KLHL36: variants seen among roughly 807,000 people sequenced by gnomAD.
KLHL36 encodes the protein kelch-like protein 36.
Under a neutral mutation model 53.3 loss-of-function variants are expected in KLHL36, and 35 were observed. The observed-to-expected ratio is 0.66, with a 90% CI of 0.50 to 0.87. The LOEUF (loss-of-function observed/expected upper bound fraction) is 0.87. Among genes scored for constraint, KLHL36 ranks in the 40% least tolerant of loss-of-function variants. The probability of loss-of-function intolerance (pLI) is 0.00; values close to 1 mark genes in which losing one functional copy is unlikely to be tolerated. For synonymous variants in KLHL36, 472 were observed against 398.9 expected (o/e 1.18, Z -2.18); for missense variants, 864 against 897.6 (o/e 0.96, Z 0.48).
rs1398209175 is a variant in KLHL36, at chr16:84,667,034, C to G, written c.*4901C>G. ...CCGAGGTTGCGCCACTGCACTCCAG[C>G]CTGGGTGACCGAGTAAGACTGTCTC... On this transcript the variant is annotated 3_prime_UTR_variant, in exon 5 of 5. Transcript: ENST00000564996. 1 of 147,358 alleles carries G rather than the reference C, an allele frequency of 6.8e-6. No individual in the cohort carries two copies. Among genetic ancestry groups the G allele is most frequent in the Non-Finnish European group, 1.5e-5 (1 of 67,338 alleles). 9.1% of individuals were successfully genotyped at this position (147,358 alleles called of 1,614,324 possible).
In KLHL36 at chr16:84,667,362, A is replaced by G. The variant is rs1293782171; in HGVS notation, c.*5229A>G. 2.0e-5 allele frequency: 3 copies of G among 152,234 alleles called. No individual in the cohort carries two copies. Among genetic ancestry groups the G allele is most frequent in the Non-Finnish European group, 4.4e-5 (3 of 68,034 alleles). 9.4% of individuals were successfully genotyped at this position (152,234 alleles called of 1,614,324 possible). A position where few individuals can be genotyped will look rare whatever the true frequency, so the allele number is the denominator to read the frequency against. Reference sequence around the variant, plus strand: ...GTGATTCATTGGGTATGTTCTGGCTACTGATGTTACTGAAATCTGCAATCG... The same window carrying G: ...GTGATTCATTGGGTATGTTCTGGCTGCTGATGTTACTGAAATCTGCAATCG... On this transcript the variant is annotated 3_prime_UTR_variant, in exon 5 of 5. Coordinates refer to ENST00000564996, the MANE Select transcript of KLHL36 (RefSeq NM_024731.4).
chr16:84,661,510 C>T lies in KLHL36; in HGVS notation c.1296-68C>T, dbSNP rs1016671577. On this transcript the variant is annotated intron_variant, in intron 4 of 4. Transcript: ENST00000564996. The surrounding 1 kb of genome is among the most constrained non-coding windows in gnomAD (Gnocchi z 7.9). Reference sequence around the variant, plus strand: ...CCCTCTAAGACGGCAGGCTGTTCCCCGGCTCGGAGGGGGTAAGCCTGGCAC... The same window carrying T: ...CCCTCTAAGACGGCAGGCTGTTCCCTGGCTCGGAGGGGGTAAGCCTGGCAC... The T allele has an allele frequency of 2.8e-5, 41 of 1,469,840 alleles. No homozygotes were observed. The highest frequency in any genetic ancestry group is 4.2e-5 in the African/African-American group (3 of 70,692). The allele number at this position is 1,469,840 out of a possible 1,614,324, so 91.0% of individuals were successfully genotyped here. A position where few individuals can be genotyped will look rare whatever the true frequency, so the allele number is the denominator to read the frequency against.
Position 84,667,456 on chromosome 16 carries a change from C to G in KLHL36, c.*5323C>G, listed in dbSNP as rs990745719. ...ACATTTCGAAGTTTCTGTGTCTTAA[C>G]TCTTTTTAATTAATTTTCTGCACGT... On this transcript the variant is annotated 3_prime_UTR_variant, in exon 5 of 5. Transcript: ENST00000564996. 1 of 152,188 alleles carries G rather than the reference C, an allele frequency of 6.6e-6. No homozygotes were observed. The highest frequency in any genetic ancestry group is 1.5e-5 in the Non-Finnish European group (1 of 68,026). The allele number at this position is 152,188 out of a possible 1,614,324, so 9.4% of individuals were successfully genotyped here.
In KLHL36 at chr16:84,656,980, C is replaced by A; in HGVS notation, c.173C>A (p.Pro58Gln). The A allele has an allele frequency of 6.2e-7, 1 of 1,614,068 alleles. No homozygotes were observed. Among genetic ancestry groups the A allele is most frequent in the Non-Finnish European group, 8.5e-7 (1 of 1,180,050 alleles). ...VVLVADEQRV[P>Q]AHRNLLAVCS... ...CTGGTGGCCGATGAGCAGCGTGTGC[C>A]AGCCCATCGCAACCTGCTGGCCGTG... Residue 58 changes from proline to glutamine, a missense_variant, in exon 3 of 5, where the codon CCA (proline) becomes CAA (glutamine). By Grantham distance (76) the Pro-to-Gln change is moderately conservative (BLOSUM62 -1). Coordinates refer to ENST00000564996, the MANE Select transcript of KLHL36 (RefSeq NM_024731.4).
Position 84,664,336 on chromosome 16 carries a change from ACT to A in KLHL36, c.*2206_*2207del, listed in dbSNP as rs1907722224. 6.6e-6 allele frequency: 1 copy of A among 151,802 alleles called. No individual in the cohort carries two copies. Among genetic ancestry groups the A allele is most frequent in the South Asian group, 2.1e-4 (1 of 4,782 alleles). The allele number at this position is 151,802 out of a possible 1,614,324, so 9.4% of individuals were successfully genotyped here. On this transcript the variant is annotated 3_prime_UTR_variant, in exon 5 of 5. Coordinates refer to ENST00000564996, the MANE Select transcript of KLHL36 (RefSeq NM_024731.4). ...CAAGTTGGGGAGAGCACATAGAAAGACTCTGTGAGTGATTTGGGGAGTGGGAT... is the reference window on the plus strand; with the variant it reads ...CAAGTTGGGGAGAGCACATAGAAAGACTGTGAGTGATTTGGGGAGTGGGAT...
intron 4 of KLHL36, 33 bp downstream of exon 4, chr16:84,659,950 T>G: frequency 6.3e-7 from 1 of 1,590,604 alleles, no homozygotes; most frequent in Non-Finnish European, 8.6e-7. Flanking sequence ...GTTCTCCAAA[T>G]GGGATGTTTT....
intron 1 of KLHL36, among the ~76,000 whole-genome samples, chr16:84,649,699 C>G (rs1266703067): frequency 2.0e-5 from 3 of 152,188 alleles, no homozygotes; most frequent in Non-Finnish European, 1.5e-5. Context: ...CGGACTGTGC[C>G]CGAATTCATT....
Position 84,661,866 on chromosome 16 carries a change from C to A in KLHL36, c.1584C>A (p.Arg528=). 1 of 1,600,712 alleles carries A rather than the reference C, an allele frequency of 6.2e-7. No homozygotes were observed. Among genetic ancestry groups the A allele is most frequent in the Non-Finnish European group, 8.5e-7 (1 of 1,169,794 alleles). ...GCCCGCAGTGCAACCAGTGGACCCG[C>A]GTGGCGCCGCTGCTGCACGCCAACA... ...AYSPQCNQWT[R]VAPLLHANSE... The change falls in exon 5 of 5, where the codon CGC becomes CGA. Residue 528 remains arginine, a synonymous_variant. Coordinates refer to ENST00000564996, the MANE Select transcript of KLHL36 (RefSeq NM_024731.4). The surrounding 1 kb of genome is among the most constrained non-coding windows in gnomAD (Gnocchi z 7.9).
rs1567559420 is a variant in KLHL36 at position 84,657,699 on chromosome 16, C to T, written c.892C>T (p.Leu298=). ...GCTGCGCACCAACCAGGAGCGCCTGCTGTTTGTGGGCGGCGAGGTCTCCGA... is the reference window on the plus strand; with the variant it reads ...GCTGCGCACCAACCAGGAGCGCCTGTTGTTTGTGGGCGGCGAGGTCTCCGA... The part of the protein sequence containing the change: ...TALRTNQERL[L]FVGGEVSERC... Residue 298 remains leucine (L), a synonymous_variant, in exon 3 of 5, where the codon CTG becomes TTG. Coordinates refer to ENST00000564996, the MANE Select transcript of KLHL36 (RefSeq NM_024731.4). The T allele has an allele frequency of 6.8e-6, 11 of 1,612,736 alleles. No individual in the cohort carries two copies. The highest frequency in any genetic ancestry group is 2.7e-5 in the African/African-American group (2 of 75,058).
rs1907531411 is a variant in KLHL36 at position 84,661,316 on chromosome 16, G to A, written c.1296-262G>A. Among the ~76,000 whole-genome samples the A allele has an allele frequency of 6.6e-6, 1 of 152,194 alleles. No individual in the cohort carries two copies. The highest frequency in any genetic ancestry group is 2.4e-5 in the African/African-American group (1 of 41,450). ...GTCCTGTGATTATTCCCATTTCCCA[G>A]ATGGGGCAAGGGAGACTCAGAGAGA... On this transcript the variant is annotated intron_variant, in intron 4 of 4. Coordinates refer to ENST00000564996, the MANE Select transcript of KLHL36 (RefSeq NM_024731.4). This position sits in a 1 kb window ranked among gnomAD's most constrained non-coding sequence, Gnocchi z 7.9.
chr16:84,657,245 C>A lies in KLHL36; in HGVS notation c.438C>A (p.Asp146Glu), dbSNP rs1436898360. 1 of 1,614,060 alleles carries A rather than the reference C, an allele frequency of 6.2e-7. No individual in the cohort carries two copies. The highest frequency in any genetic ancestry group is 1.3e-5 in the African/African-American group (1 of 74,942). The change falls in exon 3 of 5, where the codon GAC becomes GAA. Residue 146 changes from aspartate to glutamate, a missense_variant. Physicochemically the swap from Asp to Glu is conservative, Grantham distance 45 (BLOSUM62 2). Transcript: ENST00000564996. ...CEYLEQEVSEDNYLYLQELAS... is the reference protein window; with the variant it reads ...CEYLEQEVSEENYLYLQELAS... ...ACCTGGAGCAGGAGGTGAGCGAGGA[C>A]AACTACCTGTACCTGCAGGAGCTGG...
At position 84,657,641 on chromosome 16, in the gene KLHL36, G is replaced by T. The variant is rs766840130; in HGVS notation, c.834G>T (p.Ala278=). 2 of 1,611,998 alleles carry T rather than the reference G, an allele frequency of 1.2e-6. No individual in the cohort carries two copies. The highest frequency in any genetic ancestry group is 1.3e-5 in the African/African-American group (1 of 75,058). ...CCGTGCGCTACCACAACAACCTGGCGGCCCAGCCCGTCATGCAGACCAAGC... is the reference window on the plus strand; with the variant it reads ...CCGTGCGCTACCACAACAACCTGGCTGCCCAGCCCGTCATGCAGACCAAGC... ...EEAVRYHNNL[A]AQPVMQTKRT... is the part of the protein sequence containing the mutation. The change falls in exon 3 of 5, where the codon GCG becomes GCT. Residue 278 remains alanine (A), a synonymous_variant. Transcript: ENST00000564996.
In KLHL36 at chr16:84,662,076, G is replaced by A. The variant is rs1302489545; in HGVS notation, c.1794G>A (p.Arg598=). ...GSACVCALEP[R]PEDKKKKGKG... is the part of the protein sequence containing the mutation. ...CCTGTGTCTGCGCCCTGGAGCCACG[G>A]CCAGAGGACAAGAAGAAGAAAGGCA... Residue 598 remains arginine (R), a synonymous_variant, in exon 5 of 5, where the codon CGG becomes CGA. Transcript: ENST00000564996. 2 of 1,576,220 alleles carry A rather than the reference G, an allele frequency of 1.3e-6. No individual in the cohort carries two copies. The highest frequency in any genetic ancestry group is 1.8e-5 in the Admixed American group (1 of 54,632).
At position 84,656,877 on chromosome 16, in the gene KLHL36, C is replaced by T. The variant is rs761653245; in HGVS notation, c.70C>T (p.Arg24Cys). 2.2e-4 allele frequency: 353 copies of T among 1,606,470 alleles called. No homozygotes were observed. The highest frequency in any genetic ancestry group is 2.8e-4 in the Non-Finnish European group (324 of 1,176,158). ...YKISESSKVY[R>C]WADHSSTVLQ... ...ATGTGTCTTCTCTGTCCAGGTATAC[C>T]GCTGGGCCGACCACTCAAGCACGGT... Residue 24 changes from arginine to cysteine, a missense_variant, in exon 3 of 5, where the codon CGC becomes TGC. Arg to Cys is a radical substitution (Grantham distance 180). Transcript: ENST00000564996.
intron 2 of KLHL36, among the ~76,000 whole-genome samples, chr16:84,656,584 G>T (rs1187712821): frequency 6.7e-6 from 1 of 149,312 alleles, no homozygotes; most frequent in Non-Finnish European, 1.5e-5. Context: ...GTGAGCTGAG[G>T]TTGTGCCACT....
intron 2 of KLHL36, among the ~76,000 whole-genome samples, chr16:84,652,040 G>T (rs1906916860): frequency 1.3e-5 from 2 of 152,168 alleles, no homozygotes; most frequent in Admixed American, 6.6e-5. Flanking sequence ...TCTCACGTGA[G>T]TTCCCCAAGA....
intron 3 of KLHL36, chr16:84,658,884 G>C (rs1033328080): frequency 5.3e-5 from 8 of 152,142 alleles, no homozygotes; most frequent in African/African-American, 1.7e-4. Context: ...AGGTCGAAGT[G>C]TCACCACTGG....
chr16:84,653,404 T>G (rs912794396), intron 2 of KLHL36, among the ~76,000 whole-genome samples: 1 of 152,152 alleles, frequency 6.6e-6, no homozygotes, highest in East Asian at 1.9e-4. Flanking sequence ...CATCAGAGAA[T>G]GCTGTGGATT....
Position 84,657,717 on chromosome 16 carries a change from G to T in KLHL36, c.910G>T (p.Val304Phe). ...QERLLFVGGEVSERCLELSDD... is the reference protein window; with the variant it reads ...QERLLFVGGEFSERCLELSDD... ...GCGCCTGCTGTTTGTGGGCGGCGAG[G>T]TCTCCGAGCGGTGTCTGGAGCTCAG... Residue 304 changes from valine to phenylalanine, a missense_variant, in exon 3 of 5, where the codon GTC (valine) becomes TTC (phenylalanine). Transcript: ENST00000564996. The T allele has an allele frequency of 1.2e-6, 2 of 1,612,552 alleles. No homozygotes were observed. Among genetic ancestry groups the T allele is most frequent in the Non-Finnish European group, 8.5e-7 (1 of 1,179,752 alleles).
Sources: allele counts gnomAD v4.1 joint callset (sites outside exome capture counted in the v4.1 genomes callset), GRCh38; gene constraint gnomAD v4.1.1; non-coding constraint Gnocchi (gnomAD v3.1); transcripts MANE v1.5; gene names NCBI Gene and HGNC (gene_info 2026-07-23, HGNC 2026-07-21).